KAZN: variants seen among roughly 807,000 people sequenced by gnomAD.
KAZN encodes kazrin.
A neutral mutation model predicts 87.4 loss-of-function variants in KAZN; 40 were observed. The ratio of observed to expected loss-of-function variants is 0.46; its 90% CI spans 0.36 to 0.60. KAZN has a LOEUF of 0.60. Ranked by LOEUF, KAZN falls within the 20% of genes least tolerant of loss-of-function variation. KAZN has a pLI of 0.00. For synonymous variants in KAZN, 466 were observed against 458.3 expected (o/e 1.02, Z -0.22); for missense variants, 898 against 1,073.9 (o/e 0.84, Z 2.29).
In KAZN at chr1:14,485,763, C is replaced by T. The variant is rs148137659; in HGVS notation, c.250-113220C>T. Among the ~76,000 whole-genome samples the T allele has an allele frequency of 8.1e-3, 1,237 of 151,970 alleles. 10 individuals carry two copies. Among genetic ancestry groups the T allele is most frequent in the Admixed American group, 0.014 (209 of 15,262 alleles). ...CAAAAATTAGCCGGGCATGCTGGTG[C>T]GTGCCTGTAGTCCCGGCTACTTAGG... On this transcript the variant is annotated intron_variant, in intron 2 of 16. Coordinates refer to the KAZN transcript ENST00000636203.
chr1:14,937,665 T>A (rs1477464639), intron 1 of KAZN, among the ~76,000 whole-genome samples: 1 of 152,228 alleles, frequency 6.6e-6, no homozygotes, highest in East Asian at 1.9e-4. Flanking sequence ...TCACGTCCCC[T>A]TCGCCAGTTT....
chr1:14,638,212 C>T (rs116583810), intron 1 of KAZN, among the ~76,000 whole-genome samples: 1,880 of 152,300 alleles, frequency 0.012, 14 homozygotes, highest in Non-Finnish European at 0.019. Context: ...TCTGAGGTTC[C>T]CTGTAGACAT....
intron 2 of KAZN, among the ~76,000 whole-genome samples, chr1:14,331,827 A>G (rs1656879761): frequency 6.6e-6 from 1 of 152,058 alleles, no homozygotes; most frequent in East Asian, 1.9e-4. Context: ...CTTCTTCTAT[A>G]TATTTTATTG....
chr1:15,037,021 G>T (rs914302968), intron 3 of KAZN, among the ~76,000 whole-genome samples: 2 of 152,020 alleles, frequency 1.3e-5, no homozygotes, highest in Middle Eastern at 3.2e-3. Flanking sequence ...CCTGTGCAGC[G>T]CGCCTCTTCC....
intron 1 of KAZN, among the ~76,000 whole-genome samples, chr1:14,051,160 T>C (rs764802272): frequency 6.6e-6 from 1 of 152,198 alleles, no homozygotes; most frequent in Non-Finnish European, 1.5e-5. Flanking sequence ...CATAGAATTC[T>C]TGCTGAACTG....
intron 1 of KAZN, among the ~76,000 whole-genome samples, chr1:14,092,245 C>T (rs1644014694): frequency 6.6e-6 from 1 of 151,178 alleles, no homozygotes; most frequent in African/African-American, 2.4e-5. Flanking sequence ...CGCCCACCAC[C>T]ACGCCCAGCT....
chr1:14,335,111 C>CCG (rs1657145424), intron 2 of KAZN, among the ~76,000 whole-genome samples: 1 of 150,706 alleles, frequency 6.6e-6, no homozygotes, highest in Non-Finnish European at 1.5e-5. Context: ...TCGGTGCCCC[C>CCG]CCCCCACCAC....
chr1:13,970,846 G>A (rs1211124782), intron 1 of KAZN, among the ~76,000 whole-genome samples: 10 of 152,228 alleles, frequency 6.6e-5, no homozygotes, highest in Middle Eastern at 3.4e-3. Flanking sequence ...CTCTTTCATG[G>A]AGTTGTGGAT....
intron 2 of KAZN, among the ~76,000 whole-genome samples, chr1:14,214,044 A>T (rs532374413): frequency 2.0e-5 from 3 of 152,304 alleles, no homozygotes; most frequent in African/African-American, 7.2e-5. Context: ...GCCAAGTTTG[A>T]GGTGCCTATT....
intron 10 of KAZN, among the ~76,000 whole-genome samples, chr1:15,098,230 A>G (rs1640883553): frequency 6.6e-6 from 1 of 152,254 alleles, no homozygotes; most frequent in Non-Finnish European, 1.5e-5. Context: ...GCTCCAGTTC[A>G]GGGATGGGGC....
At chr1:14,518,397 C>T (rs1671407863) in intron 2 of KAZN, among the ~76,000 whole-genome samples, 1 of 151,882 alleles carries the variant, frequency 6.6e-6, no homozygotes, top group African/African-American at 2.4e-5. Flanking sequence ...GGCTGGTCTC[C>T]AACTCCTGAC....
At chr1:14,024,465 C>CT (rs1381758425) in intron 1 of KAZN, among the ~76,000 whole-genome samples, 2 of 152,220 alleles carry the variant, frequency 1.3e-5, no homozygotes, top group Non-Finnish European at 2.9e-5. Context: ...GCTACTGTTT[C>CT]TTTTAAAAAT....
intron 2 of KAZN, among the ~76,000 whole-genome samples, chr1:14,332,876 T>C (rs1170922076): frequency 1.3e-5 from 2 of 152,190 alleles, no homozygotes; most frequent in African/African-American, 4.8e-5. Context: ...GTTTCTTTTT[T>C]TGTTGTTTTT....
At chr1:14,638,591 A>C (rs1277965838) in intron 1 of KAZN, among the ~76,000 whole-genome samples, 1 of 151,646 alleles carries the variant, frequency 6.6e-6, no homozygotes, top group Non-Finnish European at 1.5e-5. Flanking sequence ...AAAAAAAAAA[A>C]ACAAAAAGGG....
At chr1:14,078,415 C>T (rs1026973906) in intron 1 of KAZN, among the ~76,000 whole-genome samples, 2 of 152,204 alleles carry the variant, frequency 1.3e-5, no homozygotes, top group African/African-American at 2.4e-5. Context: ...ACTTCAGTTT[C>T]CCTATCTTAA....
chr1:14,313,234 A>G (rs1205303543), intron 2 of KAZN, among the ~76,000 whole-genome samples: 3 of 152,022 alleles, frequency 2.0e-5, no homozygotes, highest in African/African-American at 7.2e-5. Flanking sequence ...CCAGCCCCCC[A>G]CCGAAAGGTT....
chr1:14,158,351 C>G (rs1260982588), intron 1 of KAZN, among the ~76,000 whole-genome samples: 1 of 151,892 alleles, frequency 6.6e-6, no homozygotes, highest in African/African-American at 2.4e-5. Context: ...TCTTGAAGCT[C>G]CCTAATCCTT....
chr1:14,546,024 G>A (rs1673119898), intron 2 of KAZN, among the ~76,000 whole-genome samples: 1 of 152,142 alleles, frequency 6.6e-6, no homozygotes, highest in East Asian at 1.9e-4. Flanking sequence ...CACCACCAGA[G>A]CTACTTGATA....
chr1:14,766,599 A>T (rs745613764), intron 1 of KAZN, among the ~76,000 whole-genome samples: 1 of 148,192 alleles, frequency 6.7e-6, no homozygotes, highest in Non-Finnish European at 1.5e-5. Context: ...TTGGTTCCGC[A>T]TGTTAACTGA....
Sources: gnomAD v4.1 joint callset for allele counts (sites outside exome capture counted in the v4.1 genomes callset) on GRCh38, gnomAD v4.1.1 for gene constraint, MANE v1.5 for transcripts, NCBI Gene and HGNC (gene_info 2026-07-23, HGNC 2026-07-21) for gene names.